DYNC2H1: variants seen among roughly 807,000 people sequenced by gnomAD.
The protein encoded by DYNC2H1 is cytoplasmic dynein 2 heavy chain 1.
A neutral mutation model predicts 570.0 loss-of-function variants in DYNC2H1; 410 were observed. The observed-to-expected ratio is 0.72, with a 90% CI of 0.66 to 0.78. The LOEUF is 0.78. Among genes scored for constraint, DYNC2H1 ranks in the 30% least tolerant of loss-of-function variants. DYNC2H1 has a pLI of 0.00. For synonymous variants in DYNC2H1, 1,688 were observed against 1,677.6 expected (o/e 1.01, Z -0.15); for missense variants, 4,865 against 5,046.4 (o/e 0.96, Z 1.09).
Position 103,382,761 on chromosome 11 carries a change from A to T in DYNC2H1, c.12157-16902A>T, listed in dbSNP as rs375527697. On this transcript the variant is annotated intron_variant, in intron 83 of 88. Coordinates refer to ENST00000375735, the MANE Select transcript of DYNC2H1 (RefSeq NM_001377.3). The stretch of plus-strand genomic sequence containing the variant: ...TTTAGTTCTTAGTAAAACTTTATCT[A>T]TGCCTCTCCTCCTAAACTGATATGT... 3.3e-5 allele frequency among the ~76,000 whole-genome samples: 5 copies of T among 152,350 alleles called. No individual in the cohort carries two copies. In the South Asian group the frequency reaches 1.0e-3, roughly 32 times the overall value.
At chr11:103,296,589 C>G (rs1242944814) in intron 75 of DYNC2H1, among the ~76,000 whole-genome samples, 1 of 152,120 alleles carries the variant, frequency 6.6e-6, no homozygotes, top group Non-Finnish European at 1.5e-5. Flanking sequence ...TACCATTTGC[C>G]TTAGTACTCA....
intron 84 of DYNC2H1, among the ~76,000 whole-genome samples, chr11:103,413,202 C>T (rs1325896070): frequency 6.6e-6 from 1 of 152,172 alleles, no homozygotes; most frequent in Non-Finnish European, 1.5e-5. Flanking sequence ...ACTACATCCA[C>T]CATGGATCTT....
intron 84 of DYNC2H1, among the ~76,000 whole-genome samples, chr11:103,429,923 C>T (rs1002477001): frequency 6.6e-6 from 1 of 152,156 alleles, no homozygotes; most frequent in South Asian, 2.1e-4. Context: ...ATTGCAGTTA[C>T]AGTGCTGTCT....
chr11:103,455,472 T>C (rs1370236911), intron 86 of DYNC2H1, among the ~76,000 whole-genome samples, 177 bp downstream of exon 86: 1 of 152,152 alleles, frequency 6.6e-6, no homozygotes, highest in Non-Finnish European at 1.5e-5. Flanking sequence ...TTAAAAAGCA[T>C]TGCTTTTAAT....
intron 6 of DYNC2H1, among the ~76,000 whole-genome samples, chr11:103,120,036 T>C (rs555168010): frequency 7.2e-5 from 11 of 152,342 alleles, no homozygotes; most frequent in African/African-American, 2.6e-4. Flanking sequence ...TGTTAACATG[T>C]CATTTCATTA....
Position 103,259,963 on chromosome 11 carries a change from C to G in DYNC2H1, c.10681C>G (p.Arg3561Gly), listed in dbSNP as rs766804374. The G allele has an allele frequency of 5.3e-6, 8 of 1,498,752 alleles. 1 individual carries two copies. In the Admixed American group the frequency reaches 1.7e-4, roughly 31 times the overall value. The allele number at this position is 1,498,752 out of a possible 1,614,324, so 92.8% of individuals were successfully genotyped here. A position where few individuals can be genotyped will look rare whatever the true frequency, so the allele number is the denominator to read the frequency against. Reference sequence around the variant, plus strand: ...ACATATGGTATATGAATATATATGTCGTTGTCTATTTAAGGTAAGAAGCAT... The same window carrying G: ...ACATATGGTATATGAATATATATGTGGTTGTCTATTTAAGGTAAGAAGCAT... ...LQHMVYEYIC[R>G]CLFKADQLMF... The change falls in exon 70 of 89, where the codon CGT becomes GGT. Residue 3561 changes from arginine (R) to glycine (G), a missense_variant. Arg to Gly is a moderately radical substitution (Grantham distance 125). Coordinates refer to ENST00000375735, the MANE Select transcript of DYNC2H1 (RefSeq NM_001377.3).
chr11:103,232,691 A>C (rs1285294727), intron 60 of DYNC2H1, among the ~76,000 whole-genome samples: 3 of 152,060 alleles, frequency 2.0e-5, no homozygotes, highest in Admixed American at 6.6e-5. Flanking sequence ...CTAATTTTAC[A>C]AAATTAAAGA....
intron 85 of DYNC2H1, among the ~76,000 whole-genome samples, chr11:103,449,717 T>C (rs1004032417): frequency 1.3e-5 from 2 of 152,186 alleles, no homozygotes; most frequent in East Asian, 3.8e-4. Flanking sequence ...AATAATGATC[T>C]TACTGAAAGC....
chr11:103,135,800 T>C lies in DYNC2H1; in HGVS notation c.2426T>C (p.Ile809Thr), dbSNP rs556060829. The C allele has an allele frequency of 3.7e-6, 6 of 1,613,264 alleles. No individual in the cohort carries two copies. In the South Asian group the frequency reaches 6.6e-5, roughly 18 times the overall value. ...AGAGAAATGAAGAGATTCATCGGCA[T>C]TCCAAATCAGTTTAAGGGAGTGGGT... Reference protein sequence around the residue: ...YYREMKRFIGIPNQFKGVGEA... With the variant: ...YYREMKRFIGTPNQFKGVGEA... The change falls in exon 17 of 89, where the codon ATT becomes ACT. Residue 809 changes from isoleucine (I) to threonine (T), a missense_variant. By Grantham distance (89) the Ile-to-Thr change is moderately conservative. Around this residue, in one of 5 missense-constraint regions of DYNC2H1, gnomAD observed 1,936 missense variants for 1,962.1 expected, o/e 0.99. Transcript: ENST00000375735.
rs954793511 is a variant in DYNC2H1 at position 103,212,439 on chromosome 11, CAAAAT to C, written c.8694+509_8694+513del. 7.9e-5 allele frequency among the ~76,000 whole-genome samples: 12 copies of C among 151,054 alleles called. No individual in the cohort carries two copies. In the South Asian group the frequency reaches 1.3e-3, roughly 16 times the overall value. On this transcript the variant is annotated intron_variant, in intron 54 of 88. Coordinates refer to ENST00000375735, the MANE Select transcript of DYNC2H1 (RefSeq NM_001377.3). Reference sequence around the variant, plus strand: ...ACCACCTGTACCCAATAACTAATGGCAAAATAAAATAAAATAATAATAAAGAAAAA... The same window carrying C: ...ACCACCTGTACCCAATAACTAATGGCAAAATAAAATAATAATAAAGAAAAA...
intron 87 of DYNC2H1, among the ~76,000 whole-genome samples, chr11:103,463,706 A>T (rs1258677415): frequency 6.6e-6 from 1 of 152,208 alleles, no homozygotes; most frequent in Non-Finnish European, 1.5e-5. Flanking sequence ...AGTCATGATC[A>T]TGCCACTGTA....
chr11:103,256,223 C>T lies in DYNC2H1; in HGVS notation c.10444C>T (p.Gln3482Ter). The change falls in exon 68 of 89, where the codon CAA (glutamine) becomes TAA (stop). Residue 3482 changes from glutamine (Q) to a stop codon, truncating the protein, a stop_gained. Transcript: ENST00000375735. LOFTEE classifies it high-confidence loss of function. The surrounding 1 kb of genome is among the most constrained non-coding windows in gnomAD (Gnocchi z 4.0). ...GTCACTTAAAGAATCTTACAAACTC[C>T]AAATTTCCCTTGATCAAGTAATTAT... is the stretch of plus-strand genomic sequence containing the variant. Reference protein sequence around the residue: ...QESLKESYKLQISLDQERDAY... With the variant: ...QESLKESYKL 1 of 1,599,640 alleles carries T rather than the reference C, an allele frequency of 6.3e-7. No homozygotes were observed. The highest frequency in any genetic ancestry group is 8.5e-7 in the Non-Finnish European group (1 of 1,174,436).
At chr11:103,248,922 T>C (rs914343506) in intron 65 of DYNC2H1, among the ~76,000 whole-genome samples, 6 of 151,958 alleles carry the variant, frequency 3.9e-5, no homozygotes, top group African/African-American at 1.4e-4. Flanking sequence ...AAGCCTTATG[T>C]TGGTTCAGAA....
At chr11:103,312,557 AAAAAAAAAACC>A (rs1565486741) in intron 79 of DYNC2H1, among the ~76,000 whole-genome samples, 3 of 134,136 alleles carry the variant, frequency 2.2e-5, no homozygotes, top group Non-Finnish European at 3.2e-5. Flanking sequence ...AAAAAAAAAA[AAAAAAAAAACC>A]AATTGTAATG....
intron 26 of DYNC2H1, 147 bp downstream of exon 26, chr11:103,156,917 A>C (rs1860862503): frequency 1.3e-5 from 13 of 1,028,772 alleles, no homozygotes; most frequent in Non-Finnish European, 1.6e-5. Context: ...CCTTTTGAGA[A>C]GCTATTCTCT....
chr11:103,359,668 C>CTTTT (rs202022243), intron 83 of DYNC2H1, among the ~76,000 whole-genome samples: 4 of 129,926 alleles, frequency 3.1e-5, no homozygotes, highest in East Asian at 2.2e-4. Context: ...TTTTTTTTTA[C>CTTTT]TTTTTTTTTT....
At chr11:103,138,897 TA>T (rs1859730791) in intron 17 of DYNC2H1, among the ~76,000 whole-genome samples, 1 of 152,060 alleles carries the variant, frequency 6.6e-6, no homozygotes, top group South Asian at 2.1e-4. Flanking sequence ...CAGAGCCTGT[TA>T]TTGGTCTATT....
At chr11:103,375,835 G>T (rs547084355) in intron 83 of DYNC2H1, among the ~76,000 whole-genome samples, 2 of 152,168 alleles carry the variant, frequency 1.3e-5, no homozygotes, top group Admixed American at 1.3e-4. Context: ...GGACTTTTGG[G>T]TAGTGCTGGA....
intron 66 of DYNC2H1, 78 bp from the exon 67 acceptor site, chr11:103,255,337 C>G: frequency 6.9e-7 from 1 of 1,450,432 alleles, no homozygotes; most frequent in Non-Finnish European, 9.2e-7. Flanking sequence ...CTGTCAAACA[C>G]AAGGCCTGTT....
Sources: gnomAD v4.1 joint callset for allele counts (sites outside exome capture counted in the v4.1 genomes callset) on GRCh38, gnomAD v4.1.1 for gene constraint, gnomAD v4.1.1 regional missense constraint, Gnocchi (gnomAD v3.1) non-coding constraint, MANE v1.5 for transcripts, NCBI Gene and HGNC (gene_info 2026-07-23, HGNC 2026-07-21) for gene names.